The following PDE3A variants were observed in gnomAD, a reference collection of about 807,000 sequenced individuals.
The protein encoded by PDE3A is cGMP-inhibited 3',5'-cyclic phosphodiesterase 3A.
In PDE3A, 43 loss-of-function variants were observed where a neutral mutation model predicts 98.3. The observed-to-expected ratio is 0.44, with a 90% confidence interval of 0.34 to 0.56. The LOEUF (loss-of-function observed/expected upper bound fraction) is 0.56, where lower values mean the gene tolerates loss of function less well. Ranked by LOEUF, PDE3A falls within the 20% of genes least tolerant of loss-of-function variation. PDE3A has a pLI of 0.01. For synonymous variants in PDE3A, 663 were observed against 567.9 expected (o/e 1.17, Z -2.38); for missense variants, 1,427 against 1,440.7 (o/e 0.99, Z 0.15).
intron 1 of PDE3A, among the ~76,000 whole-genome samples, chr12:20,487,552 C>T (rs1945751226): frequency 1.4e-5 from 2 of 140,896 alleles, no homozygotes; most frequent in Non-Finnish European, 3.0e-5. Context: ...ACTTGGGAGG[C>T]TGAGGTGGGG....
intron 1 of PDE3A, among the ~76,000 whole-genome samples, chr12:20,498,266 T>C (rs1310140114): frequency 6.6e-6 from 1 of 151,446 alleles, no homozygotes; most frequent in Non-Finnish European, 1.5e-5. Context: ...GATTAAAATA[T>C]ACCGCCCACC....
chr12:20,484,823 A>T (rs1945697295), intron 1 of PDE3A, among the ~76,000 whole-genome samples: 1 of 152,142 alleles, frequency 6.6e-6, no homozygotes, highest in Admixed American at 6.5e-5. Flanking sequence ...GGCCAGTTGT[A>T]ATTCGTGTTT....
chr12:20,663,087 G>A (rs1464286284), intron 15 of PDE3A, among the ~76,000 whole-genome samples: 2 of 152,214 alleles, frequency 1.3e-5, no homozygotes, highest in Non-Finnish European at 2.9e-5. Context: ...GCTTCAGAGG[G>A]TGCAAGCCCG....
intron 2 of PDE3A, among the ~76,000 whole-genome samples, chr12:20,598,383 C>T (rs1421366389): frequency 6.6e-6 from 1 of 151,970 alleles, no homozygotes; most frequent in Non-Finnish European, 1.5e-5. Flanking sequence ...GGGGTTTCAC[C>T]ATGTTTGCCA....
At chr12:20,482,188 G>A (rs1175548978) in intron 1 of PDE3A, among the ~76,000 whole-genome samples, 2 of 151,684 alleles carry the variant, frequency 1.3e-5, no homozygotes, top group African/African-American at 4.8e-5. Context: ...ACTAAGAAAT[G>A]AAAAGTATTT....
intron 10 of PDE3A, 129 bp from the exon 11 acceptor site, chr12:20,646,361 G>C (rs1462676118): frequency 3.3e-6 from 2 of 613,012 alleles, no homozygotes; most frequent in Non-Finnish European, 5.9e-6. Context: ...ATTTGTCCTA[G>C]AAAGTTTGGC....
intron 1 of PDE3A, among the ~76,000 whole-genome samples, chr12:20,532,328 T>C (rs1941624275): frequency 6.7e-6 from 1 of 148,416 alleles, no homozygotes; most frequent in South Asian, 2.2e-4. Context: ...TGTGGGTATT[T>C]GAAATTTATG....
chr12:20,446,061 C>G (rs535385711), intron 1 of PDE3A, among the ~76,000 whole-genome samples: 1 of 152,280 alleles, frequency 6.6e-6, no homozygotes, highest in Admixed American at 6.5e-5. Context: ...TACCAAATAA[C>G]TTAAAAATAG....
chr12:20,559,521 A>T (rs1017786894), intron 2 of PDE3A, among the ~76,000 whole-genome samples: 1 of 151,336 alleles, frequency 6.6e-6, no homozygotes, highest in African/African-American at 2.4e-5. Flanking sequence ...TAGTAATAAT[A>T]ATAAGCCAGG....
chr12:20,566,980 G>T (rs547957316), intron 2 of PDE3A, among the ~76,000 whole-genome samples: 1 of 151,958 alleles, frequency 6.6e-6, no homozygotes, highest in Admixed American at 6.6e-5. Context: ...GCATTTTCAG[G>T]CCTTTGCATG....
intron 2 of PDE3A, chr12:20,572,130 G>A (rs745858275): frequency 7.8e-7 from 1 of 1,279,984 alleles, no homozygotes; most frequent in South Asian, 1.3e-5. Context: ...ATTATACATG[G>A]TGACGATATT....
chr12:20,560,303 T>G (rs912143113), intron 2 of PDE3A, among the ~76,000 whole-genome samples: 2 of 152,082 alleles, frequency 1.3e-5, no homozygotes, highest in Non-Finnish European at 2.9e-5. Flanking sequence ...CTATAAAGAC[T>G]AGAAACAAGC....
At chr12:20,467,538 A>G (rs184449405) in intron 1 of PDE3A, among the ~76,000 whole-genome samples, 1 of 152,302 alleles carries the variant, frequency 6.6e-6, no homozygotes, top group Admixed American at 6.5e-5. Flanking sequence ...TATTAAAAAC[A>G]TTGAAATATA....
chr12:20,654,657 C>A (rs1306325689), intron 15 of PDE3A, among the ~76,000 whole-genome samples: 2 of 144,068 alleles, frequency 1.4e-5, no homozygotes, highest in African/African-American at 5.1e-5. Context: ...ACACTACACC[C>A]GGCTTTTTTT....
intron 8 of PDE3A, among the ~76,000 whole-genome samples, chr12:20,636,047 A>G (rs1944505882): frequency 6.6e-6 from 1 of 152,210 alleles, no homozygotes; most frequent in South Asian, 2.1e-4. Flanking sequence ...AGATGAAGGA[A>G]GGGAGGGAAG....
rs751134349 is a variant in PDE3A, at chr12:20,650,611, ACT to A, written c.2925+12_2925+13del. ...GAATTTTATGAACAGGTAACTGACC[ACT>A]GTTTAATACAGCTTAATCTGTACTT... On this transcript the variant is annotated intron_variant, in intron 14 of 15. Transcript: ENST00000359062. The A allele has an allele frequency of 1.2e-5, 19 of 1,577,638 alleles. 1 individual carries two copies. In the Middle Eastern group the frequency reaches 8.4e-4, roughly 70 times the overall value.
At chr12:20,452,281 T>C (rs1945078687) in intron 1 of PDE3A, among the ~76,000 whole-genome samples, 1 of 152,236 alleles carries the variant, frequency 6.6e-6, no homozygotes, top group African/African-American at 2.4e-5. Flanking sequence ...ATAGCAATCA[T>C]ACCTAATGAG....
At chr12:20,634,137 T>C (rs1944447250) in intron 7 of PDE3A, among the ~76,000 whole-genome samples, 1 of 152,232 alleles carries the variant, frequency 6.6e-6, no homozygotes, top group Non-Finnish European at 1.5e-5. Flanking sequence ...TACATGTGTA[T>C]ATTTTTAAAA....
At chr12:20,617,706 G>T (rs1944038850) in intron 4 of PDE3A, among the ~76,000 whole-genome samples, 1 of 152,058 alleles carries the variant, frequency 6.6e-6, no homozygotes, top group Non-Finnish European at 1.5e-5. Flanking sequence ...TCATAGTATA[G>T]GTAATGCTTC....
Sources: gnomAD v4.1 joint callset for allele counts (sites outside exome capture counted in the v4.1 genomes callset) on GRCh38, gnomAD v4.1.1 for gene constraint, MANE v1.5 for transcripts, NCBI Gene and HGNC (gene_info 2026-07-23, HGNC 2026-07-21) for gene names.